ATP13A5: variants seen among roughly 807,000 people sequenced by gnomAD.
ATP13A5 encodes the protein probable cation-transporting ATPase 13A5.
A neutral mutation model predicts 150.2 loss-of-function variants in ATP13A5; 149 were observed. The ratio of observed to expected loss-of-function variants is 0.99; its 90% CI spans 0.87 to 1.14. ATP13A5 has a LOEUF of 1.14. Ranked by LOEUF, ATP13A5 falls within the 50% of genes most tolerant of loss-of-function variation. The pLI, the probability that ATP13A5 is intolerant of heterozygous loss-of-function variation, is 0.00. For missense variants in ATP13A5, 1,383 were observed against 1,449.3 expected, an observed-to-expected ratio of 0.95 and a Z score of 0.74; for synonymous variants, 497 against 522.2, an observed-to-expected ratio of 0.95 and a Z score of 0.66.
intron 9 of ATP13A5, among the ~76,000 whole-genome samples, chr3:193,343,444 G>A (rs529708430): frequency 1.3e-5 from 2 of 152,272 alleles, no homozygotes; most frequent in African/African-American, 4.8e-5. Flanking sequence ...TTTGCCCGGA[G>A]GTTCAACTCA....
Position 193,351,262 on chromosome 3 carries a change from T to C in ATP13A5, c.607-61A>G, listed in dbSNP as rs908936633. On this transcript the variant is annotated intron_variant, in intron 6 of 29. Coordinates refer to ENST00000342358, the MANE Select transcript of ATP13A5 (RefSeq NM_198505.4). ...TGAACCTTAGTAGCAATCAAGAAGA[T>C]GTCATTTCATTATCAATTTTTTTCT... 3.8e-6 allele frequency: 6 copies of C among 1,574,036 alleles called. No individual in the cohort carries two copies. The Admixed American group carries it at 5.5e-5, about 14-fold the overall frequency.
chr3:193,356,050 G>A (rs1560148144), intron 5 of ATP13A5, among the ~76,000 whole-genome samples: 1 of 152,064 alleles, frequency 6.6e-6, no homozygotes, highest in South Asian at 2.1e-4. Flanking sequence ...ATGTCTACCC[G>A]CTCAGTCCCT....
At chr3:193,354,337 A>T in intron 5 of ATP13A5, 141 bp from the exon 6 acceptor site, 1 of 702,808 alleles carries the variant, frequency 1.4e-6, no homozygotes, top group South Asian at 2.2e-5. Flanking sequence ...AGTTCTTTTG[A>T]AACGTAATTC....
intron 25 of ATP13A5, among the ~76,000 whole-genome samples, chr3:193,295,581 G>A (rs916206504): frequency 5.3e-5 from 8 of 152,034 alleles, no homozygotes; most frequent in Non-Finnish European, 1.0e-4. Context: ...AGGAACCTAC[G>A]TGGCTAATAT....
At chr3:193,336,275 A>C (rs1257157779) in intron 9 of ATP13A5, among the ~76,000 whole-genome samples, 1 of 152,158 alleles carries the variant, frequency 6.6e-6, no homozygotes, top group African/African-American at 2.4e-5. Flanking sequence ...TCTAGGGTAC[A>C]TGTGCACAAC....
intron 5 of ATP13A5, among the ~76,000 whole-genome samples, chr3:193,354,760 C>T (rs74712103): frequency 1.5e-3 from 222 of 152,086 alleles, no homozygotes; most frequent in Middle Eastern, 3.4e-3. Context: ...ATGTGCATTA[C>T]AACAAGAATG....
chr3:193,276,867 A>T lies in ATP13A5; in HGVS notation c.3316-37T>A. 2.1e-6 allele frequency: 3 copies of T among 1,431,080 alleles called. 1 individual carries two copies. In the South Asian group the frequency reaches 3.7e-5, roughly 17 times the overall value. 88.6% of individuals were successfully genotyped at this position (1,431,080 alleles called of 1,614,324 possible). ...CAAATACCATTATTATATTTTGCAC[A>T]CTTCACACTTTGAAAAAAGACCATA... On this transcript the variant is annotated intron_variant, in intron 28 of 29. Coordinates refer to ENST00000342358, the MANE Select transcript of ATP13A5 (RefSeq NM_198505.4).
At chr3:193,326,799 T>G (rs901225626) in intron 13 of ATP13A5, among the ~76,000 whole-genome samples, 197 bp downstream of exon 13, 1 of 152,222 alleles carries the variant, frequency 6.6e-6, no homozygotes, top group African/African-American at 2.4e-5. Flanking sequence ...TTCATGGAGA[T>G]TTTGAAGACC....
chr3:193,338,421 T>C (rs1156760868), intron 9 of ATP13A5, among the ~76,000 whole-genome samples: 1 of 152,194 alleles, frequency 6.6e-6, no homozygotes, highest in Non-Finnish European at 1.5e-5. Context: ...ATACCTAATT[T>C]ATTGAAAGTT....
rs773156928 is a variant in ATP13A5, at chr3:193,345,079, C to T, written c.742-4G>A. On this transcript the variant is annotated splice_polypyrimidine_tract_variant and splice_region_variant and intron_variant, in intron 7 of 29. Transcript: ENST00000342358. ...GGTTATGCAGCTTAACTGATTGCTA[C>T]CAAGTAAAAGTTAACATTTAAACAT... The T allele has an allele frequency of 6.2e-7, 1 of 1,612,420 alleles. No homozygotes were observed. Among genetic ancestry groups the T allele is most frequent in the South Asian group, 1.1e-5 (1 of 91,034 alleles).
At chr3:193,364,042 T>TCC in intron 2 of ATP13A5, 65 bp downstream of exon 2, 1 of 1,512,674 alleles carries the variant, frequency 6.6e-7, no homozygotes, top group Non-Finnish European at 9.1e-7. Context: ...CACAGAGTTA[T>TCC]GCCACAGAGG....
chr3:193,315,618 A>T (rs1480885793), intron 17 of ATP13A5, among the ~76,000 whole-genome samples: 1 of 152,204 alleles, frequency 6.6e-6, no homozygotes, highest in African/African-American at 2.4e-5. Context: ...GATGGCTTAT[A>T]GTCCAACTGG....
chr3:193,285,038 CAG>C lies in ATP13A5; in HGVS notation c.3100_3101del (p.Leu1034AspfsTer9). On this transcript the variant is annotated frameshift_variant, in exon 27 of 30. Coordinates refer to ENST00000342358, the MANE Select transcript of ATP13A5 (RefSeq NM_198505.4). LOFTEE classifies it high-confidence loss of function. ...CAAAACTTAAAATTGAACCAGGAAT[CAG>C]AGTTGCATTTCCAGTCCAGTTTCTT... Reference protein sequence around the residue: ...LERNWTGNATLIPGSILSFET... With the variant: ...LERNWTGNATXIPGSILSFET... 6.2e-7 allele frequency: 1 copy of C among 1,614,088 alleles called. No individual in the cohort carries two copies.
At chr3:193,305,454 CCT>C (rs1718574268) in intron 23 of ATP13A5, 103 bp downstream of exon 23, 1 of 919,644 alleles carries the variant, frequency 1.1e-6, no homozygotes, top group Non-Finnish European at 1.8e-6. Flanking sequence ...TTCACCCATT[CCT>C]CTGTTGCAGC....
chr3:193,329,023 G>T (rs1711522560), intron 12 of ATP13A5, among the ~76,000 whole-genome samples: 1 of 151,948 alleles, frequency 6.6e-6, no homozygotes, highest in African/African-American at 2.4e-5. Context: ...GAGGAGGGTG[G>T]ATCACGAGGT....
Position 193,378,578 on chromosome 3 carries a change from A to G in ATP13A5, c.63+85T>C, listed in dbSNP as rs113411505. The G allele has an allele frequency of 2.2e-4, 269 of 1,206,290 alleles. 1 individual carries two copies. Among genetic ancestry groups the G allele is most frequent in the Admixed American group, 2.0e-4 (11 of 54,790 alleles). The allele number at this position is 1,206,290 out of a possible 1,614,324, so 74.7% of individuals were successfully genotyped here. Reference sequence around the variant, plus strand: ...TCCTAAAGCCTGAAGCATAAATGCTACACTCTATTTTCTAATTCAGCTGTA... The same window carrying G: ...TCCTAAAGCCTGAAGCATAAATGCTGCACTCTATTTTCTAATTCAGCTGTA... On this transcript the variant is annotated intron_variant, in intron 1 of 29. Coordinates refer to ENST00000342358, the MANE Select transcript of ATP13A5 (RefSeq NM_198505.4).
At chr3:193,337,709 T>A (rs1014608989) in intron 9 of ATP13A5, among the ~76,000 whole-genome samples, 2 of 152,228 alleles carry the variant, frequency 1.3e-5, no homozygotes, top group Non-Finnish European at 2.9e-5. Flanking sequence ...GTCTTGGCAA[T>A]GTGGGCTCTT....
intron 1 of ATP13A5, among the ~76,000 whole-genome samples, chr3:193,371,921 G>T (rs1375457047): frequency 2.0e-5 from 3 of 151,924 alleles, no homozygotes; most frequent in African/African-American, 7.3e-5. Flanking sequence ...ATATTTACAG[G>T]TTCTGCCCAC....
intron 15 of ATP13A5, 114 bp downstream of exon 15, chr3:193,322,377 T>G: frequency 1.2e-6 from 1 of 809,988 alleles, no homozygotes; most frequent in Non-Finnish European, 2.1e-6. Context: ...AAACCAACCG[T>G]GGAAACTGTT....
Sources: gnomAD v4.1 joint callset for allele counts (sites outside exome capture counted in the v4.1 genomes callset) on GRCh38, gnomAD v4.1.1 for gene constraint, MANE v1.5 for transcripts, NCBI Gene and HGNC (gene_info 2026-07-23, HGNC 2026-07-21) for gene names.